The following GALNTL6 variants were observed in gnomAD, a reference collection of about 807,000 sequenced individuals.
GALNTL6 encodes the protein polypeptide N-acetylgalactosaminyltransferase like 6.
A neutral mutation model predicts 73.7 loss-of-function variants in GALNTL6; 46 were observed. The observed-to-expected ratio is 0.62, with a 90% CI of 0.49 to 0.80. The LOEUF (loss-of-function observed/expected upper bound fraction) is 0.80. GALNTL6 is among the 30% of genes least tolerant of loss of function. GALNTL6 has a pLI of 0.00. For missense variants in GALNTL6, 604 were observed against 755.0 expected (o/e 0.80, Z 2.34); for synonymous variants, 259 against 263.7 (o/e 0.98, Z 0.17).
At chr4:172,774,332 C>T (rs1327648162) in intron 5 of GALNTL6, among the ~76,000 whole-genome samples, 2 of 152,130 alleles carry the variant, frequency 1.3e-5, no homozygotes, top group Non-Finnish European at 2.9e-5. Context: ...TTCCAGGAGC[C>T]ACTTAATACT....
intron 4 of GALNTL6, among the ~76,000 whole-genome samples, chr4:172,329,815 A>G (rs1440393514): frequency 6.6e-6 from 1 of 152,136 alleles, no homozygotes; most frequent in African/African-American, 2.4e-5. Flanking sequence ...GAACCACTGA[A>G]AGGTGGGAAA....
chr4:172,377,653 G>GT (rs1289156697), intron 5 of GALNTL6, among the ~76,000 whole-genome samples: 9 of 152,204 alleles, frequency 5.9e-5, no homozygotes, highest in African/African-American at 2.2e-4. Context: ...CTCGGTCATG[G>GT]TGGGCTGCAG....
At chr4:172,846,879 T>C (rs1006631083) in intron 7 of GALNTL6, among the ~76,000 whole-genome samples, 4 of 152,234 alleles carry the variant, frequency 2.6e-5, no homozygotes, top group Admixed American at 6.5e-5. Flanking sequence ...GTTTATAACA[T>C]TACCTGAGAG....
chr4:171,917,099 TC>T (rs1404210145), intron 2 of GALNTL6, among the ~76,000 whole-genome samples: 1 of 152,064 alleles, frequency 6.6e-6, no homozygotes, highest in Non-Finnish European at 1.5e-5. Context: ...GGCTCAAACT[TC>T]CCAGGATGAG....
intron 5 of GALNTL6, among the ~76,000 whole-genome samples, chr4:172,683,592 A>G (rs1284400509): frequency 6.6e-6 from 1 of 152,174 alleles, no homozygotes; most frequent in African/African-American, 2.4e-5. Flanking sequence ...AATGATACAG[A>G]TCTTATTATT....
chr4:171,945,071 T>C (rs973097313), intron 2 of GALNTL6, among the ~76,000 whole-genome samples: 2 of 152,042 alleles, frequency 1.3e-5, no homozygotes, highest in East Asian at 1.9e-4. Context: ...GGGAAGGAGC[T>C]CTCTTATTCA....
intron 2 of GALNTL6, among the ~76,000 whole-genome samples, chr4:172,206,802 TCTG>T (rs1412524518): frequency 0.43 from 14,950 of 34,454 alleles, 4,330 homozygotes; most frequent in South Asian, 0.66. Flanking sequence ...GTTTTGTTTT[TCTG>T]TTTTTTTTGT....
intron 5 of GALNTL6, among the ~76,000 whole-genome samples, chr4:172,434,030 A>G (rs968424210): frequency 6.6e-6 from 1 of 152,078 alleles, no homozygotes; most frequent in Non-Finnish European, 1.5e-5. Context: ...CTTAAACAAG[A>G]TTTTCTAGAA....
intron 5 of GALNTL6, among the ~76,000 whole-genome samples, chr4:172,782,910 C>T (rs982517564): frequency 1.3e-5 from 2 of 152,010 alleles, no homozygotes; most frequent in East Asian, 1.9e-4. Flanking sequence ...AGTGACTTTT[C>T]GAAGAGCTTG....
chr4:172,730,635 G>T (rs989731634), intron 5 of GALNTL6, among the ~76,000 whole-genome samples: 1 of 152,132 alleles, frequency 6.6e-6, no homozygotes, highest in African/African-American at 2.4e-5. Context: ...CTGGTATTTT[G>T]CTGGGGATTT....
chr4:172,023,242 T>C (rs531683857), intron 2 of GALNTL6, among the ~76,000 whole-genome samples: 1 of 151,676 alleles, frequency 6.6e-6, no homozygotes, highest in Admixed American at 6.6e-5. Flanking sequence ...TCTGATATAG[T>C]GTGTTTAGTG....
chr4:171,845,921 T>C (rs771112584), intron 2 of GALNTL6, among the ~76,000 whole-genome samples: 14 of 152,166 alleles, frequency 9.2e-5, no homozygotes, highest in Admixed American at 2.0e-4. Flanking sequence ...TCACAGCTAC[T>C]CAATGGTAGA....
chr4:172,452,342 G>C (rs2111424676), intron 5 of GALNTL6, among the ~76,000 whole-genome samples: 1 of 151,260 alleles, frequency 6.6e-6, no homozygotes, highest in Admixed American at 6.6e-5. Context: ...AAATGGTGAA[G>C]GTGCAAAACA....
chr4:173,031,969 C>CT (rs919088722), intron 12 of GALNTL6, among the ~76,000 whole-genome samples: 3 of 152,114 alleles, frequency 2.0e-5, no homozygotes, highest in Non-Finnish European at 2.9e-5. Context: ...AGACTTTTAC[C>CT]TTTTTAGATA....
intron 5 of GALNTL6, among the ~76,000 whole-genome samples, chr4:172,745,578 G>A (rs532394625): frequency 6.6e-6 from 1 of 152,038 alleles, no homozygotes; most frequent in South Asian, 2.1e-4. Context: ...AGCTTGCTAA[G>A]GTCAATATAC....
At chr4:172,672,569 G>T (rs1271042526) in intron 5 of GALNTL6, among the ~76,000 whole-genome samples, 1 of 152,176 alleles carries the variant, frequency 6.6e-6, no homozygotes, top group Non-Finnish European at 1.5e-5. Flanking sequence ...CAATTTTTTG[G>T]AATGGTTTCA....
At chr4:172,185,248 T>G (rs1422730229) in intron 2 of GALNTL6, among the ~76,000 whole-genome samples, 2 of 152,174 alleles carry the variant, frequency 1.3e-5, no homozygotes, top group African/African-American at 4.8e-5. Flanking sequence ...CTAGAAAGAC[T>G]TTTGTACATG....
intron 2 of GALNTL6, among the ~76,000 whole-genome samples, chr4:171,818,263 T>A (rs959380061): frequency 6.6e-6 from 1 of 151,724 alleles, no homozygotes; most frequent in Non-Finnish European, 1.5e-5. Flanking sequence ...CTATATCCAG[T>A]CTTATTGTAT....
intron 2 of GALNTL6, among the ~76,000 whole-genome samples, chr4:172,036,792 T>A (rs1741940918): frequency 1.3e-5 from 2 of 152,104 alleles, no homozygotes; most frequent in South Asian, 4.1e-4. Context: ...GTTGTTTCCA[T>A]TTATTTATTA....
Sources: allele counts gnomAD v4.1 joint callset (sites outside exome capture counted in the v4.1 genomes callset), GRCh38; gene constraint gnomAD v4.1.1; transcripts MANE v1.5; gene names NCBI Gene and HGNC (gene_info 2026-07-23, HGNC 2026-07-21).